Variants in PCSK2 observed in about 807,000 individuals in gnomAD.
The protein encoded by PCSK2 is proprotein convertase subtilisin/kexin type 2, also known as neuroendocrine convertase 2.
PCSK2 carries 14 observed loss-of-function variants against 69.7 expected under a neutral mutation model. The observed-to-expected ratio is 0.20, with a 90% CI of 0.13 to 0.31. PCSK2 has a LOEUF of 0.31. Ranked by LOEUF, PCSK2 falls within the 10% of genes least tolerant of loss-of-function variation. The pLI is 1.00. For synonymous variants in PCSK2, 307 were observed against 320.7 expected (o/e 0.96, Z 0.46); for missense variants, 544 against 842.5 (o/e 0.65, Z 4.39).
chr20:17,437,004 C>A, intron 8 of PCSK2, 121 bp downstream of exon 8: 1 of 821,864 alleles, frequency 1.2e-6, no homozygotes, highest in Non-Finnish European at 1.9e-6. Flanking sequence ...CTGCAGGAAT[C>A]AGACAGCACA....
chr20:17,242,647 TGGTGACA>T (rs1211667053), intron 1 of PCSK2, among the ~76,000 whole-genome samples: 1 of 152,228 alleles, frequency 6.6e-6, no homozygotes, highest in African/African-American at 2.4e-5. Flanking sequence ...CATGCTAACC[TGGTGACA>T]CATCCTAATA....
chr20:17,294,431 T>C (rs1988820568), intron 2 of PCSK2, among the ~76,000 whole-genome samples: 1 of 152,228 alleles, frequency 6.6e-6, no homozygotes, highest in Non-Finnish European at 1.5e-5. Context: ...AAGGCCTGCG[T>C]ATTTTATGCT....
intron 2 of PCSK2, among the ~76,000 whole-genome samples, chr20:17,331,644 A>G (rs1990209182): frequency 6.6e-6 from 1 of 152,214 alleles, no homozygotes; most frequent in Non-Finnish European, 1.5e-5. Flanking sequence ...TGGGGCACTT[A>G]AATGATCTCT....
chr20:17,476,610 T>G (rs1211830432), intron 11 of PCSK2, among the ~76,000 whole-genome samples: 1 of 152,210 alleles, frequency 6.6e-6, no homozygotes, highest in Non-Finnish European at 1.5e-5. Context: ...GCATATATAA[T>G]GTATATGTAG....
At chr20:17,389,217 C>T (rs1056912846) in intron 5 of PCSK2, among the ~76,000 whole-genome samples, 4 of 151,628 alleles carry the variant, frequency 2.6e-5, no homozygotes, top group Non-Finnish European at 4.4e-5. Context: ...AAATAGATAC[C>T]GTCTACCCCT....
At chr20:17,439,421 C>A (rs1600581255) in intron 8 of PCSK2, among the ~76,000 whole-genome samples, 1 of 152,298 alleles carries the variant, frequency 6.6e-6, no homozygotes, top group Non-Finnish European at 1.5e-5. Flanking sequence ...TGCACCCGGC[C>A]TCTTCCACCC....
At chr20:17,309,222 A>G (rs1251410176) in intron 2 of PCSK2, among the ~76,000 whole-genome samples, 1 of 152,194 alleles carries the variant, frequency 6.6e-6, no homozygotes, top group Non-Finnish European at 1.5e-5. Flanking sequence ...TCACATGGCC[A>G]TAAAATAATA....
chr20:17,284,533 C>G (rs1988445200), intron 2 of PCSK2, among the ~76,000 whole-genome samples: 1 of 152,170 alleles, frequency 6.6e-6, no homozygotes, highest in Non-Finnish European at 1.5e-5. Flanking sequence ...TTAAAGATCT[C>G]GCTGGGCTTT....
intron 2 of PCSK2, among the ~76,000 whole-genome samples, chr20:17,316,091 A>G (rs746231529): frequency 3.9e-5 from 6 of 152,158 alleles, no homozygotes; most frequent in Non-Finnish European, 8.8e-5. Flanking sequence ...CGTTCTTCAT[A>G]GGTCAGATGG....
intron 5 of PCSK2, among the ~76,000 whole-genome samples, chr20:17,407,764 A>T (rs879666148): frequency 3.9e-5 from 6 of 152,164 alleles, no homozygotes; most frequent in Non-Finnish European, 8.8e-5. Flanking sequence ...AGTTATGGTC[A>T]GTGGAGACGA....
At chr20:17,231,398 C>A (rs1986138342) in intron 1 of PCSK2, among the ~76,000 whole-genome samples, 1 of 152,174 alleles carries the variant, frequency 6.6e-6, no homozygotes, top group African/African-American at 2.4e-5. Flanking sequence ...ACATGTGTAA[C>A]CAGCACCCAA....
At chr20:17,468,252 G>A (rs903077260) in intron 11 of PCSK2, among the ~76,000 whole-genome samples, 57 of 141,964 alleles carry the variant, frequency 4.0e-4, no homozygotes, top group Non-Finnish European at 6.3e-4. Flanking sequence ...GCGTCCTGCC[G>A]TAGACGGGCA....
intron 2 of PCSK2, among the ~76,000 whole-genome samples, chr20:17,279,779 C>G (rs1396789349): frequency 7.1e-6 from 1 of 141,458 alleles, no homozygotes; most frequent in Admixed American, 7.2e-5. Context: ...AGGAGCGAAA[C>G]TCCGTCTCAA....
intron 1 of PCSK2, among the ~76,000 whole-genome samples, chr20:17,242,204 C>T (rs565896062): frequency 4.6e-5 from 7 of 152,200 alleles, no homozygotes; most frequent in East Asian, 1.9e-4. Flanking sequence ...GAGCATTATC[C>T]GTGGAGAACA....
At chr20:17,287,416 C>T (rs1439083062) in intron 2 of PCSK2, among the ~76,000 whole-genome samples, 3 of 134,674 alleles carry the variant, frequency 2.2e-5, no homozygotes, top group African/African-American at 8.5e-5. Flanking sequence ...GGATCTTGCA[C>T]CAGCATGTGC....
In PCSK2 at chr20:17,384,764, C is replaced by T. The variant is rs539160363; in HGVS notation, c.543+15487C>T. On this transcript the variant is annotated intron_variant, in intron 5 of 11. Coordinates refer to ENST00000262545, the MANE Select transcript of PCSK2 (RefSeq NM_002594.5). ...CCTGAGTAACATGGCAACACCCTGT[C>T]GCTACAAAAAAATTAAAAATTTGCT... is the stretch of plus-strand genomic sequence containing the variant. Among the ~76,000 whole-genome samples the T allele has an allele frequency of 3.3e-5, 5 of 152,136 alleles. No homozygotes were observed. In the South Asian group the frequency reaches 8.3e-4, roughly 25 times the overall value.
intron 2 of PCSK2, among the ~76,000 whole-genome samples, chr20:17,319,125 C>CT (rs34568000): frequency 3.3e-5 from 5 of 151,492 alleles, no homozygotes; most frequent in Admixed American, 6.6e-5. Flanking sequence ...ATTAAAATGA[C>CT]TTTTTTTTTA....
chr20:17,280,304 A>C (rs1988259117), intron 2 of PCSK2, among the ~76,000 whole-genome samples: 1 of 152,236 alleles, frequency 6.6e-6, no homozygotes, highest in African/African-American at 2.4e-5. Context: ...TAGATATACT[A>C]TGGTGGAAAT....
At chr20:17,400,721 T>C (rs1262895886) in intron 5 of PCSK2, among the ~76,000 whole-genome samples, 1 of 152,188 alleles carries the variant, frequency 6.6e-6, no homozygotes, top group Non-Finnish European at 1.5e-5. Context: ...ACTCTATACT[T>C]ACCATCAAGT....
Sources: gnomAD v4.1 joint callset for allele counts (sites outside exome capture counted in the v4.1 genomes callset) on GRCh38, gnomAD v4.1.1 for gene constraint, MANE v1.5 for transcripts, NCBI Gene and HGNC (gene_info 2026-07-23, HGNC 2026-07-21) for gene names.